MITF: variants seen among roughly 807,000 people sequenced by gnomAD.
MITF encodes microphthalmia-associated transcription factor.
MITF carries 17 observed loss-of-function variants against 60.5 expected under a neutral mutation model. That is an observed-to-expected ratio of 0.28 (90% CI 0.19 to 0.42). MITF has a LOEUF of 0.42. MITF is among the 10% of genes least tolerant of loss of function. The pLI, the probability that MITF is intolerant of heterozygous loss-of-function variation, is 1.00. For synonymous variants in MITF, 260 were observed against 248.5 expected, an observed-to-expected ratio of 1.05 and a Z score of -0.43; for missense variants, 622 against 683.5, an observed-to-expected ratio of 0.91 and a Z score of 1.00.
At chr3:69,753,026 G>T (rs559801454) in intron 1 of MITF, among the ~76,000 whole-genome samples, 48 of 152,312 alleles carry the variant, frequency 3.2e-4, no homozygotes, top group African/African-American at 1.1e-3. Context: ...GGCCTCAAAA[G>T]CATTTCAGAG....
rs1168058197 is a variant in MITF, at chr3:69,750,620, TCCCTGTAGGGCTTGTTGAAAC to T, written c.104+10920_104+10940del. Among the ~76,000 whole-genome samples, 7 of 152,230 alleles carry T rather than the reference TCCCTGTAGGGCTTGTTGAAAC, an allele frequency of 4.6e-5. No individual in the cohort carries two copies. In the East Asian group the frequency reaches 9.7e-4, roughly 21 times the overall value. On this transcript the variant is annotated intron_variant, in intron 1 of 9. Transcript: ENST00000352241. ...CTTAAACTCGAGTGTGCATCAGCAT[TCCCTGTAGGGCTTGTTGAAAC>T]AGATTTCAGGGACACACTCCCACAG...
At chr3:69,898,422 A>G (rs190474223) in intron 2 of MITF, among the ~76,000 whole-genome samples, 1 of 152,350 alleles carries the variant, frequency 6.6e-6, no homozygotes, top group East Asian at 1.9e-4. Flanking sequence ...AAGATAGTGA[A>G]GTCAGTCTGC....
chr3:69,879,035 C>T (rs981504122), intron 1 of MITF, 99 bp from the exon 2 acceptor site: 4 of 920,930 alleles, frequency 4.3e-6, no homozygotes, highest in Non-Finnish European at 7.2e-6. Context: ...TTTGCGCAGA[C>T]TCATTTTATA....
At chr3:69,923,703 C>G (rs990280776) in intron 2 of MITF, among the ~76,000 whole-genome samples, 1 of 152,182 alleles carries the variant, frequency 6.6e-6, no homozygotes, top group East Asian at 1.9e-4. Flanking sequence ...AAATTCCTAC[C>G]TATATTCTCC....
chr3:69,750,924 T>C (rs1427853765), intron 1 of MITF, among the ~76,000 whole-genome samples: 5 of 152,142 alleles, frequency 3.3e-5, no homozygotes, highest in Non-Finnish European at 7.4e-5. Flanking sequence ...AATGAATTTA[T>C]TGGTTAAATA....
chr3:69,808,698 G>A (rs1169525801), intron 1 of MITF, among the ~76,000 whole-genome samples: 7 of 152,056 alleles, frequency 4.6e-5, no homozygotes, highest in African/African-American at 1.7e-4. Flanking sequence ...TGAGGGAAGA[G>A]GCTAGGAAGC....
intron 1 of MITF, among the ~76,000 whole-genome samples, chr3:69,810,440 T>C (rs1304912791): frequency 1.3e-5 from 2 of 152,222 alleles, no homozygotes; most frequent in Non-Finnish European, 2.9e-5. Flanking sequence ...AGTGTGAGCT[T>C]GGGCAGTCCA....
At chr3:69,895,274 C>A (rs1169236312) in intron 2 of MITF, among the ~76,000 whole-genome samples, 1 of 152,174 alleles carries the variant, frequency 6.6e-6, no homozygotes, top group African/African-American at 2.4e-5. Context: ...TAGTTTAAGT[C>A]ACCAGTTTCT....
At chr3:69,834,035 T>G (rs9811044) in intron 1 of MITF, among the ~76,000 whole-genome samples, 3,146 of 152,232 alleles carry the variant, frequency 0.021, 87 homozygotes, top group African/African-American at 0.058. Flanking sequence ...ATTTTTAAAA[T>G]GGACACATTA....
At chr3:69,741,605 G>C (rs1367970352) in intron 1 of MITF, among the ~76,000 whole-genome samples, 2 of 152,312 alleles carry the variant, frequency 1.3e-5, no homozygotes, top group East Asian at 3.9e-4. Flanking sequence ...GGGTATGTGG[G>C]AAGAAATGGC....
rs531489334 is a variant in MITF, at chr3:69,929,440, C to T, written c.355-8382C>T. Among the ~76,000 whole-genome samples, 35 of 152,186 alleles carry T rather than the reference C, an allele frequency of 2.3e-4. 1 individual carries two copies. The South Asian group carries it at 5.4e-3, about 23-fold the overall frequency. The stretch of plus-strand genomic sequence containing the variant: ...AGTGGACAGGGGTCTGTAGAATCTA[C>T]GTGGAGAACTAACAAGCTAGTGTGG... On this transcript the variant is annotated intron_variant, in intron 2 of 9. Transcript: ENST00000352241.
intron 2 of MITF, among the ~76,000 whole-genome samples, chr3:69,916,032 A>G (rs1227284135): frequency 2.6e-5 from 4 of 152,256 alleles, no homozygotes; most frequent in Admixed American, 1.3e-4. Flanking sequence ...TAATTATGCT[A>G]GAAAGTTTGA....
At position 69,879,045 on chromosome 3, in the gene MITF, A is replaced by G. The variant is rs576986413; in HGVS notation, c.105-89A>G. ...TTATATTTGCGCAGACTCATTTTAT[A>G]GTTTGGTGCAATTTAGGATACCCCC... On this transcript the variant is annotated intron_variant, in intron 1 of 9. Transcript: ENST00000352241. The G allele has an allele frequency of 4.2e-4, 420 of 994,764 alleles. 6 individuals are homozygous for G. In the South Asian group the frequency reaches 5.1e-3, roughly 12 times the overall value. 61.6% of individuals were successfully genotyped at this position (994,764 alleles called of 1,614,324 possible).
At chr3:69,781,069 G>C (rs1032049215) in intron 1 of MITF, among the ~76,000 whole-genome samples, 20 of 151,904 alleles carry the variant, frequency 1.3e-4, no homozygotes, top group Admixed American at 5.9e-4. Flanking sequence ...ACATAATAGT[G>C]AGTTTTGTTT....
intron 2 of MITF, among the ~76,000 whole-genome samples, chr3:69,915,184 T>C (rs2065307102): frequency 6.6e-6 from 1 of 152,298 alleles, no homozygotes; most frequent in Middle Eastern, 3.4e-3. Flanking sequence ...TAAAGCTCAG[T>C]AGAGATACTA....
At chr3:69,832,991 C>T (rs1336129178) in intron 1 of MITF, among the ~76,000 whole-genome samples, 1 of 150,946 alleles carries the variant, frequency 6.6e-6, no homozygotes, top group East Asian at 2.1e-4. Context: ...TCTCTGTTCA[C>T]ACTGTATGTG....
chr3:69,890,674 T>C (rs1025700104), intron 2 of MITF, among the ~76,000 whole-genome samples: 1 of 152,198 alleles, frequency 6.6e-6, no homozygotes, highest in Non-Finnish European at 1.5e-5. Flanking sequence ...ATAGCACAGC[T>C]CATAATGCAA....
intron 1 of MITF, among the ~76,000 whole-genome samples, chr3:69,761,276 C>T (rs894099018): frequency 6.6e-6 from 1 of 152,172 alleles, no homozygotes; most frequent in Non-Finnish European, 1.5e-5. Context: ...AAGGCACTTA[C>T]TATCTACCAG....
At chr3:69,849,460 G>A (rs545400370) in intron 1 of MITF, among the ~76,000 whole-genome samples, 1 of 152,362 alleles carries the variant, frequency 6.6e-6, no homozygotes, top group East Asian at 1.9e-4. Flanking sequence ...TGTATTCACT[G>A]CTTGTACTTC....
Sources: gnomAD v4.1 joint callset for allele counts (sites outside exome capture counted in the v4.1 genomes callset) on GRCh38, gnomAD v4.1.1 for gene constraint, MANE v1.5 for transcripts, NCBI Gene and HGNC (gene_info 2026-07-23, HGNC 2026-07-21) for gene names.